ELAPOR2: variants seen among roughly 807,000 people sequenced by gnomAD.
ELAPOR2 encodes the protein endosome-lysosome associated apoptosis and autophagy regulator family member 2, also known as endosome/lysosome-associated apoptosis and autophagy regulator family member 2.
Under a neutral mutation model 120.7 loss-of-function variants are expected in ELAPOR2, and 89 were observed. The ratio of observed to expected loss-of-function variants is 0.74; its 90% CI spans 0.62 to 0.88. ELAPOR2 has a LOEUF of 0.88. ELAPOR2 is among the 40% of genes least tolerant of loss of function. ELAPOR2 has a pLI of 0.00. For missense variants in ELAPOR2, 1,134 were observed against 1,251.6 expected (o/e 0.91, Z 1.42); for synonymous variants, 444 against 444.9 (o/e 1.00, Z 0.03).
intron 19 of ELAPOR2, among the ~76,000 whole-genome samples, chr7:86,895,075 AG>A (rs1209318495): frequency 1.3e-5 from 2 of 152,130 alleles, no homozygotes; most frequent in African/African-American, 2.4e-5. Context: ...AAAATTGTAA[AG>A]ATGGTGTCGG....
At chr7:86,911,598 C>T (rs1789312797) in intron 15 of ELAPOR2, 1 of 455,096 alleles carries the variant, frequency 2.2e-6, no homozygotes, top group African/African-American at 2.0e-5. Flanking sequence ...CAAATAAAAT[C>T]CCATTTGTAT....
chr7:87,005,572 G>A (rs114996683), intron 1 of ELAPOR2, among the ~76,000 whole-genome samples: 2,083 of 152,198 alleles, frequency 0.014, 54 homozygotes, highest in African/African-American at 0.048. Context: ...ACAGTTCAAT[G>A]AAAATCAAAG....
intron 1 of ELAPOR2, among the ~76,000 whole-genome samples, chr7:86,994,170 C>T (rs1002576867): frequency 6.6e-6 from 1 of 152,158 alleles, no homozygotes; most frequent in African/African-American, 2.4e-5. Context: ...AATTATCTGT[C>T]ATATCCCTTT....
chr7:86,993,247 AAAAG>A (rs1229552476), intron 1 of ELAPOR2, among the ~76,000 whole-genome samples: 27 of 116,676 alleles, frequency 2.3e-4, no homozygotes, highest in Admixed American at 1.8e-3. Context: ...AAAAAAAAAA[AAAAG>A]AAAAAGAAAA....
chr7:86,969,774 G>C (rs1007625362), intron 1 of ELAPOR2, among the ~76,000 whole-genome samples: 9 of 152,130 alleles, frequency 5.9e-5, no homozygotes, highest in African/African-American at 1.9e-4. Context: ...TTAAATGTTA[G>C]AATCGCATTC....
At chr7:87,012,178 A>G (rs922720018) in intron 1 of ELAPOR2, among the ~76,000 whole-genome samples, 27 of 152,288 alleles carry the variant, frequency 1.8e-4, no homozygotes, top group Non-Finnish European at 2.8e-4. Flanking sequence ...TCGGGAGGCC[A>G]AGGTGGGCAG....
intron 1 of ELAPOR2, among the ~76,000 whole-genome samples, chr7:87,027,331 C>A (rs1438239556): frequency 2.0e-5 from 3 of 152,064 alleles, no homozygotes; most frequent in Non-Finnish European, 4.4e-5. Flanking sequence ...CACCTCCCAC[C>A]CCAAATCATT....
At chr7:87,009,615 GA>G (rs768437352) in intron 1 of ELAPOR2, among the ~76,000 whole-genome samples, 1 of 152,142 alleles carries the variant, frequency 6.6e-6, no homozygotes, top group Non-Finnish European at 1.5e-5. Context: ...AATCAAGTAA[GA>G]GGCTAACCCA....
chr7:86,961,073 C>T (rs1386418920), intron 2 of ELAPOR2, among the ~76,000 whole-genome samples: 1 of 152,126 alleles, frequency 6.6e-6, no homozygotes, highest in Non-Finnish European at 1.5e-5. Context: ...AAACTATACA[C>T]ACATATATAC....
intron 18 of ELAPOR2, among the ~76,000 whole-genome samples, chr7:86,901,551 G>GT (rs1291798647): frequency 6.6e-6 from 1 of 152,038 alleles, no homozygotes; most frequent in Non-Finnish European, 1.5e-5. Flanking sequence ...GTATAAATAC[G>GT]TTTTGCCAAA....
chr7:86,942,166 G>T, intron 4 of ELAPOR2, 62 bp from the exon 5 acceptor site: 1 of 966,864 alleles, frequency 1.0e-6, no homozygotes, highest in Non-Finnish European at 1.6e-6. Context: ...ATTAAATTCT[G>T]TACCCAGCAC....
At chr7:86,903,193 TGTGA>T (rs1397724138) in intron 18 of ELAPOR2, among the ~76,000 whole-genome samples, 1 of 152,236 alleles carries the variant, frequency 6.6e-6, no homozygotes, top group Admixed American at 6.5e-5. Context: ...AAGAATGGTT[TGTGA>T]TTTTTATATC....
intron 1 of ELAPOR2, among the ~76,000 whole-genome samples, chr7:86,979,252 G>C (rs1562952967): frequency 1.3e-5 from 2 of 152,072 alleles, no homozygotes; most frequent in South Asian, 4.2e-4. Flanking sequence ...CCCGAGAAAA[G>C]ACCACGTTAA....
chr7:87,058,787 G>T (rs942603034), intron 1 of ELAPOR2, among the ~76,000 whole-genome samples: 1 of 151,898 alleles, frequency 6.6e-6, no homozygotes, highest in Non-Finnish European at 1.5e-5. Flanking sequence ...CATTTTGTCA[G>T]AAGGATGCTA....
chr7:86,991,150 T>C (rs1444002928), intron 1 of ELAPOR2, among the ~76,000 whole-genome samples: 2 of 152,242 alleles, frequency 1.3e-5, no homozygotes, highest in African/African-American at 4.8e-5. Context: ...ACAGGTAAGA[T>C]ACAGATTAAG....
chr7:86,964,820 A>G, intron 2 of ELAPOR2, 84 bp downstream of exon 2: 1 of 1,448,538 alleles, frequency 6.9e-7, no homozygotes, highest in Admixed American at 2.0e-5. Context: ...GGTCTCCTAC[A>G]TTCATTATAA....
intron 15 of ELAPOR2, 156 bp downstream of exon 15, chr7:86,911,916 T>C (rs1464610515): frequency 5.3e-6 from 4 of 752,020 alleles, no homozygotes; most frequent in Non-Finnish European, 8.6e-6. Flanking sequence ...AATCTGCCAA[T>C]ATTCTAGGCA....
intron 11 of ELAPOR2, among the ~76,000 whole-genome samples, chr7:86,918,895 A>G (rs1789693425): frequency 6.6e-6 from 1 of 152,174 alleles, no homozygotes; most frequent in Non-Finnish European, 1.5e-5. Context: ...AAAAATAGAT[A>G]AATAAACCAA....
At chr7:86,937,614 C>T (rs560921596) in intron 8 of ELAPOR2, among the ~76,000 whole-genome samples, 1 of 152,168 alleles carries the variant, frequency 6.6e-6, no homozygotes, top group Non-Finnish European at 1.5e-5. Context: ...CTGCCATAAC[C>T]GAATAGCCCA....
Sources: allele counts gnomAD v4.1 joint callset (sites outside exome capture counted in the v4.1 genomes callset), GRCh38; gene constraint gnomAD v4.1.1; transcripts MANE v1.5; gene names NCBI Gene and HGNC (gene_info 2026-07-23, HGNC 2026-07-21).